The following ROR2 variants were observed in gnomAD, a reference collection of about 807,000 sequenced individuals.
ROR2 encodes the protein tyrosine-protein kinase transmembrane receptor ROR2.
Under a neutral mutation model 74.9 loss-of-function variants are expected in ROR2, and 33 were observed. That is an observed-to-expected ratio of 0.44 (90% confidence interval 0.33 to 0.59). The LOEUF is 0.59. Ranked by LOEUF, ROR2 falls within the 20% of genes least tolerant of loss-of-function variation. The probability of loss-of-function intolerance (pLI) is 0.02; values close to 1 mark genes in which losing one functional copy is unlikely to be tolerated. For synonymous variants in ROR2, 586 were observed against 558.7 expected, an observed-to-expected ratio of 1.05 and a Z score of -0.69; for missense variants, 1,216 against 1,313.8, an observed-to-expected ratio of 0.93 and a Z score of 1.15.
Position 91,725,092 on chromosome 9 carries a change from T to C in ROR2, c.1402A>G (p.Ile468Val). Residue 468 changes from isoleucine to valine, a missense_variant, in exon 9 of 9, where the codon ATC becomes GTC. Physicochemically the swap from Ile to Val is conservative, Grantham distance 29 (BLOSUM62 3). Transcript: ENST00000375708. ...NQHKQAKLKE[I>V]SLSAVRFMEE... ...ATGAACCTCACCGCAGACAGGCTGA[T>C]CTCTTTGAGTTTGGCCTGTCAAGAA... 6.2e-7 allele frequency: 1 copy of C among 1,613,918 alleles called. No individual in the cohort carries two copies. The highest frequency in any genetic ancestry group is 8.5e-7 in the Non-Finnish European group (1 of 1,180,016).
intron 1 of ROR2, among the ~76,000 whole-genome samples, chr9:91,915,897 C>T (rs1425707897): frequency 6.6e-6 from 1 of 152,194 alleles, no homozygotes; most frequent in East Asian, 1.9e-4. Flanking sequence ...AAAAAGTTCT[C>T]CAAGTCCTCA....
chr9:91,724,807 C>T lies in ROR2; in HGVS notation c.1687G>A (p.Glu563Lys), dbSNP rs186571882. ...TGCGGCGAGCGCATGACCAGGAATT[C>T]GTGGAGGTCGCCGTGCGAACAGTAG... ...FSYCSHGDLH[E>K]FLVMRSPHSD... Residue 563 changes from glutamate (E) to lysine (K), a missense_variant, in exon 9 of 9, where the codon GAA becomes AAA. By Grantham distance (56) the Glu-to-Lys change is moderately conservative (BLOSUM62 1). Coordinates refer to ENST00000375708, the MANE Select transcript of ROR2 (RefSeq NM_004560.4). The T allele has an allele frequency of 4.8e-5, 77 of 1,608,756 alleles. No homozygotes were observed. The highest frequency in any genetic ancestry group is 1.6e-4 in the East Asian group (7 of 44,758).
chr9:91,920,682 C>G (rs10116326), intron 1 of ROR2, among the ~76,000 whole-genome samples: 42,707 of 152,028 alleles, frequency 0.28, 10,223 homozygotes, highest in African/African-American at 0.64. Context: ...ATCGACAAAG[C>G]AAATGAAGAT....
At chr9:91,832,834 C>T (rs1828502391) in intron 1 of ROR2, among the ~76,000 whole-genome samples, 1 of 152,190 alleles carries the variant, frequency 6.6e-6, no homozygotes, top group Non-Finnish European at 1.5e-5. Context: ...TGGAGAGAAA[C>T]AGCAACTAGA....
At chr9:91,764,220 C>T (rs1341849264) in intron 2 of ROR2, among the ~76,000 whole-genome samples, 1 of 152,144 alleles carries the variant, frequency 6.6e-6, no homozygotes, top group African/African-American at 2.4e-5. Flanking sequence ...ATTATTATAG[C>T]CATCCTCAGG....
In ROR2 at chr9:91,889,797, G is replaced by A. The variant is rs760592414; in HGVS notation, c.97+60070C>T. Among the ~76,000 whole-genome samples, 16 of 152,180 alleles carry A rather than the reference G, an allele frequency of 1.1e-4. 1 individual carries two copies. The highest frequency in any genetic ancestry group is 7.9e-4 in the Admixed American group (12 of 15,280). On this transcript the variant is annotated intron_variant, in intron 1 of 8. Coordinates refer to ENST00000375708, the MANE Select transcript of ROR2 (RefSeq NM_004560.4). ...TTTATAATCTACATTTGTGCACCCC[G>A]CCTCCTTGAGGAGCCTTCAGAGGGA...
intron 1 of ROR2, among the ~76,000 whole-genome samples, chr9:91,912,513 T>C (rs1831021812): frequency 6.6e-6 from 1 of 152,126 alleles, no homozygotes; most frequent in Non-Finnish European, 1.5e-5. Flanking sequence ...TATGTATCAA[T>C]AAAAATATAT....
At chr9:91,816,688 A>AC (rs571366129) in intron 1 of ROR2, among the ~76,000 whole-genome samples, 25 of 91,284 alleles carry the variant, frequency 2.7e-4, no homozygotes, top group Non-Finnish European at 3.5e-4. Context: ...CTTGTTTACC[A>AC]CCCCCCCACC....
intron 1 of ROR2, among the ~76,000 whole-genome samples, chr9:91,835,510 T>C (rs1281089580): frequency 6.6e-6 from 1 of 152,128 alleles, no homozygotes. Flanking sequence ...GAGTTAAATG[T>C]AGATTGGAAC....
At chr9:91,735,302 T>C (rs920382975) in intron 5 of ROR2, among the ~76,000 whole-genome samples, 4 of 152,220 alleles carry the variant, frequency 2.6e-5, no homozygotes, top group African/African-American at 9.7e-5. Context: ...CTATGCTTAT[T>C]TCAAAACCAC....
chr9:91,772,831 C>T (rs182105278), intron 2 of ROR2, among the ~76,000 whole-genome samples: 4 of 152,274 alleles, frequency 2.6e-5, no homozygotes, highest in Admixed American at 1.3e-4. Context: ...ACAAAAAGCA[C>T]GGTAGAAAGC....
chr9:91,945,364 C>G (rs1336829832), intron 1 of ROR2, among the ~76,000 whole-genome samples: 1 of 152,196 alleles, frequency 6.6e-6, no homozygotes, highest in East Asian at 1.9e-4. Context: ...TGTTAACTAT[C>G]CCTCCAGGAG....
Position 91,723,558 on chromosome 9 carries a change from C to A in ROR2, c.*104G>T. 2.7e-6 allele frequency: 4 copies of A among 1,500,362 alleles called. No individual in the cohort carries two copies. Among genetic ancestry groups the A allele is most frequent in the Non-Finnish European group, 3.6e-6 (4 of 1,115,552 alleles). The allele number at this position is 1,500,362 out of a possible 1,614,324, so 92.9% of individuals were successfully genotyped here. ...GTCTGCAAACAAGCCCACTGGCCGGCGGGCTCTTGTGATTGCTGAGTATGG... is the reference window on the plus strand; with the variant it reads ...GTCTGCAAACAAGCCCACTGGCCGGAGGGCTCTTGTGATTGCTGAGTATGG... On this transcript the variant is annotated 3_prime_UTR_variant, in exon 9 of 9. Coordinates refer to ENST00000375708, the MANE Select transcript of ROR2 (RefSeq NM_004560.4).
At chr9:91,935,116 C>A (rs1289588758) in intron 1 of ROR2, among the ~76,000 whole-genome samples, 1 of 150,698 alleles carries the variant, frequency 6.6e-6, no homozygotes, top group African/African-American at 2.4e-5. Context: ...AGTCCCAAGT[C>A]CCCGGCGGCC....
rs369039327 is a variant in ROR2, at chr9:91,733,073, C to G, written c.937+49G>C. ...CACCCCCATACACATTTCAAGGGCC[C>G]TACACTCCCTGCGCCCCCCGGTCCC... On this transcript the variant is annotated intron_variant, in intron 6 of 8. Transcript: ENST00000375708. This position sits in a 1 kb window ranked among gnomAD's most constrained non-coding sequence, Gnocchi z 5.7. 2 of 1,523,066 alleles carry G rather than the reference C, an allele frequency of 1.3e-6. No individual in the cohort carries two copies. 94.3% of individuals were successfully genotyped at this position (1,523,066 alleles called of 1,614,324 possible). A position where few individuals can be genotyped will look rare whatever the true frequency, so the allele number is the denominator to read the frequency against.
intron 1 of ROR2, among the ~76,000 whole-genome samples, chr9:91,853,696 G>A (rs993101401): frequency 2.0e-5 from 3 of 152,132 alleles, no homozygotes; most frequent in Non-Finnish European, 2.9e-5. Context: ...CGTCCCACTC[G>A]ACATCCCACT....
At chr9:91,903,469 T>G (rs1830723292) in intron 1 of ROR2, among the ~76,000 whole-genome samples, 1 of 152,058 alleles carries the variant, frequency 6.6e-6, no homozygotes, top group Admixed American at 6.5e-5. Flanking sequence ...GTCGATTCGT[T>G]GTGTCTTTTT....
At chr9:91,948,641 G>A in intron 1 of ROR2, 5 of 985,518 alleles carry the variant, frequency 5.1e-6, no homozygotes, top group Non-Finnish European at 6.0e-6. Context: ...CAGGATACCT[G>A]GAGCGCGCAG....
rs374263774 is a variant in ROR2 at position 91,841,484 on chromosome 9, G to A, written c.98-65666C>T. On this transcript the variant is annotated intron_variant, in intron 1 of 8. Coordinates refer to ENST00000375708, the MANE Select transcript of ROR2 (RefSeq NM_004560.4). Reference sequence around the variant, plus strand: ...TCCCTGACACAGACTGGCAAAGGCCGGAAGCTCTTCAAAGTATTAATTTTA... The same window carrying A: ...TCCCTGACACAGACTGGCAAAGGCCAGAAGCTCTTCAAAGTATTAATTTTA... 5.9e-5 allele frequency among the ~76,000 whole-genome samples: 9 copies of A among 152,328 alleles called. 1 individual carries two copies. Among genetic ancestry groups the A allele is most frequent in the East Asian group, 3.9e-4 (2 of 5,192 alleles).
Sources: gnomAD v4.1 joint callset for allele counts (sites outside exome capture counted in the v4.1 genomes callset) on GRCh38, gnomAD v4.1.1 for gene constraint, Gnocchi (gnomAD v3.1) non-coding constraint, MANE v1.5 for transcripts, NCBI Gene and HGNC (gene_info 2026-07-23, HGNC 2026-07-21) for gene names.